The following SRRM4 variants were observed in gnomAD, a reference collection of about 807,000 sequenced individuals.
SRRM4 encodes the protein serine/arginine repetitive matrix 4.
Under a neutral mutation model 68.9 loss-of-function variants are expected in SRRM4, and 33 were observed. The ratio of observed to expected loss-of-function variants is 0.48; its 90% CI spans 0.36 to 0.64. The LOEUF (loss-of-function observed/expected upper bound fraction) is 0.64. Among genes scored for constraint, SRRM4 ranks in the 30% least tolerant of loss-of-function variants. The pLI, the probability that SRRM4 is intolerant of heterozygous loss-of-function variation, is 0.00. For synonymous variants in SRRM4, 318 were observed against 318.8 expected (o/e 1.00, Z 0.03); for missense variants, 817 against 827.1 (o/e 0.99, Z 0.15).
At chr12:119,080,868 T>C (rs1760495805) in intron 1 of SRRM4, among the ~76,000 whole-genome samples, 3 of 152,182 alleles carry the variant, frequency 2.0e-5, no homozygotes, top group South Asian at 4.1e-4. Context: ...ACAGGTGATG[T>C]TTACATACAT....
chr12:119,116,655 T>C (rs1048185947), intron 3 of SRRM4, among the ~76,000 whole-genome samples: 16 of 152,156 alleles, frequency 1.1e-4, no homozygotes, highest in African/African-American at 3.9e-4. Flanking sequence ...TGTACCTACC[T>C]AAGAAGTGTG....
At chr12:119,082,298 C>T (rs1953953698) in intron 1 of SRRM4, among the ~76,000 whole-genome samples, 1 of 152,232 alleles carries the variant, frequency 6.6e-6, no homozygotes, top group African/African-American at 2.4e-5. Flanking sequence ...GTAAAGCCAC[C>T]CCCCATCCCC....
In SRRM4 at chr12:119,104,035, T is replaced by C. The variant is rs192179014; in HGVS notation, c.278+1653T>C. Among the ~76,000 whole-genome samples the C allele has an allele frequency of 6.4e-4, 98 of 152,244 alleles. 1 individual carries two copies. Among genetic ancestry groups the C allele is most frequent in the African/African-American group, 2.2e-3 (93 of 41,568 alleles). On this transcript the variant is annotated intron_variant, in intron 2 of 12. Coordinates refer to ENST00000267260, the MANE Select transcript of SRRM4 (RefSeq NM_194286.4). ...AAAATAAAAAATATTGTCTCCTAGATGGAATCTGAGTGTACAAATCTTGAC... is the reference window on the plus strand; with the variant it reads ...AAAATAAAAAATATTGTCTCCTAGACGGAATCTGAGTGTACAAATCTTGAC...
At chr12:119,005,779 A>G (rs1322316076) in intron 1 of SRRM4, among the ~76,000 whole-genome samples, 1 of 152,202 alleles carries the variant, frequency 6.6e-6, no homozygotes, top group Non-Finnish European at 1.5e-5. Context: ...TGTTGTTACT[A>G]TCACTAATGT....
chr12:119,051,739 T>C (rs1177544598), intron 1 of SRRM4, among the ~76,000 whole-genome samples: 1 of 152,206 alleles, frequency 6.6e-6, no homozygotes, highest in Non-Finnish European at 1.5e-5. Context: ...TAATCTCTTG[T>C]TTCTTTTGAG....
intron 1 of SRRM4, among the ~76,000 whole-genome samples, chr12:118,983,777 T>C (rs1045520110): frequency 2.6e-5 from 4 of 152,216 alleles, no homozygotes; most frequent in Admixed American, 2.6e-4. Context: ...TCTGTTACTG[T>C]CCTGCCCTTT....
rs957774347 is a variant in SRRM4 at position 119,120,263 on chromosome 12, A to G, written c.451A>G (p.Lys151Glu). 6.5e-6 allele frequency: 10 copies of G among 1,548,836 alleles called. No homozygotes were observed. Among genetic ancestry groups the G allele is most frequent in the Non-Finnish European group, 7.9e-6 (9 of 1,146,050 alleles). ...KHKRRRSFSK[K>E]RRHSSSSPKS... ...CTTTCTTTTCAGGTCATTCTCCAAG[A>G]AGAGAAGGCACAGGTAAGACTCTTG... The change falls in exon 5 of 13, where the codon AAG (lysine) becomes GAG (glutamate). Residue 151 changes from lysine (K) to glutamate (E), a missense_variant. Physicochemically the swap from Lys to Glu is moderately conservative, Grantham distance 56 (BLOSUM62 1). Transcript: ENST00000267260.
At chr12:119,062,266 G>T (rs187748179) in intron 1 of SRRM4, among the ~76,000 whole-genome samples, 1 of 152,224 alleles carries the variant, frequency 6.6e-6, no homozygotes, top group Non-Finnish European at 1.5e-5. Flanking sequence ...AGGGCTGGGA[G>T]TTGCTCCTGG....
chr12:119,156,208 A>G (rs1423925190), intron 12 of SRRM4, among the ~76,000 whole-genome samples: 1 of 152,246 alleles, frequency 6.6e-6, no homozygotes, highest in Middle Eastern at 3.2e-3. Context: ...AACTATGATT[A>G]AAGTTTAGAT....
At chr12:118,986,391 G>T (rs1439454123) in intron 1 of SRRM4, among the ~76,000 whole-genome samples, 1 of 152,170 alleles carries the variant, frequency 6.6e-6, no homozygotes, top group Admixed American at 6.6e-5. Flanking sequence ...ACAGGGGTTG[G>T]TTGCAGGGGG....
chr12:119,122,455 G>A (rs1478522961), intron 6 of SRRM4, among the ~76,000 whole-genome samples: 1 of 152,200 alleles, frequency 6.6e-6, no homozygotes, highest in African/African-American at 2.4e-5. Flanking sequence ...TATGTTGCAT[G>A]AAAGGGTGCA....
chr12:118,987,822 G>C (rs771392508), intron 1 of SRRM4, among the ~76,000 whole-genome samples: 19 of 152,204 alleles, frequency 1.2e-4, no homozygotes, highest in Non-Finnish European at 2.4e-4. Context: ...TCTAGTGAGG[G>C]CCTCAGAGTT....
intron 1 of SRRM4, among the ~76,000 whole-genome samples, chr12:118,994,600 C>T (rs1373290926): frequency 6.6e-6 from 1 of 152,188 alleles, no homozygotes; most frequent in Non-Finnish European, 1.5e-5. Flanking sequence ...CTGACGCATG[C>T]CAAGGAAGGG....
At chr12:119,016,924 C>T (rs1343957490) in intron 1 of SRRM4, among the ~76,000 whole-genome samples, 1 of 152,148 alleles carries the variant, frequency 6.6e-6, no homozygotes, top group Non-Finnish European at 1.5e-5. Context: ...CCTCAGTTTT[C>T]TCATCTGTAG....
At chr12:119,146,353 G>T (rs186209947) in intron 9 of SRRM4, among the ~76,000 whole-genome samples, 129 of 152,224 alleles carry the variant, frequency 8.5e-4, no homozygotes, top group Middle Eastern at 3.4e-3. Context: ...TTGGGAGGCC[G>T]AGGCGGGTGG....
At chr12:119,037,349 G>A (rs1192040528) in intron 1 of SRRM4, among the ~76,000 whole-genome samples, 1 of 152,172 alleles carries the variant, frequency 6.6e-6, no homozygotes, top group Non-Finnish European at 1.5e-5. Context: ...AATGCAAACA[G>A]ATTGCAGGGC....
intron 1 of SRRM4, among the ~76,000 whole-genome samples, chr12:119,037,679 TG>T (rs1171353185): frequency 1.3e-5 from 2 of 152,122 alleles, no homozygotes; most frequent in Non-Finnish European, 2.9e-5. Context: ...CTTATATATA[TG>T]TGTTGCTGGG....
At chr12:119,140,380 A>AT (rs1419324131) in intron 8 of SRRM4, among the ~76,000 whole-genome samples, 1 of 151,386 alleles carries the variant, frequency 6.6e-6, no homozygotes, top group Non-Finnish European at 1.5e-5. Context: ...TCTGTCTCAA[A>AT]AAAAAAAAAA....
intron 1 of SRRM4, among the ~76,000 whole-genome samples, chr12:119,013,149 G>A (rs1953460318): frequency 6.6e-6 from 1 of 152,104 alleles, no homozygotes; most frequent in Non-Finnish European, 1.5e-5. Context: ...TTGCACATGA[G>A]TAACAAACAA....
Sources: gnomAD v4.1 joint callset for allele counts (sites outside exome capture counted in the v4.1 genomes callset) on GRCh38, gnomAD v4.1.1 for gene constraint, MANE v1.5 for transcripts, NCBI Gene and HGNC (gene_info 2026-07-23, HGNC 2026-07-21) for gene names.